Variants in LEF1 observed in about 807,000 individuals in gnomAD.
The protein encoded by LEF1 is lymphoid enhancer-binding factor 1.
In LEF1, 14 loss-of-function variants were observed where a neutral mutation model predicts 51.2. The observed-to-expected ratio is 0.27, with a 90% confidence interval of 0.18 to 0.43. The LOEUF is 0.43. Ranked by LOEUF, LEF1 falls within the 20% of genes least tolerant of loss-of-function variation. LEF1 has a pLI of 1.00. For missense variants in LEF1, 386 were observed against 512.0 expected (o/e 0.75, Z 2.37); for synonymous variants, 185 against 183.2 (o/e 1.01, Z -0.08).
chr4:108,152,930 T>C (rs915965088), intron 3 of LEF1, among the ~76,000 whole-genome samples: 2 of 152,248 alleles, frequency 1.3e-5, no homozygotes, highest in African/African-American at 4.8e-5. Flanking sequence ...CCAACAGCAG[T>C]GCTTTGCTGC....
chr4:108,115,846 T>TAC (rs55839332), intron 3 of LEF1, among the ~76,000 whole-genome samples: 25,027 of 139,130 alleles, frequency 0.18, 2,252 homozygotes, highest in Middle Eastern at 0.32. Context: ...ATGTAACACA[T>TAC]ACACACACAC....
chr4:108,163,147 T>A (rs1435519503), intron 3 of LEF1, among the ~76,000 whole-genome samples: 2 of 152,156 alleles, frequency 1.3e-5, no homozygotes, highest in African/African-American at 4.8e-5. Flanking sequence ...CAAAGTAACA[T>A]AACAAACATT....
At chr4:108,130,573 A>T (rs2110350237) in intron 3 of LEF1, among the ~76,000 whole-genome samples, 1 of 151,734 alleles carries the variant, frequency 6.6e-6, no homozygotes. Context: ...ACAAAAAAAA[A>T]AAAAAAAATG....
chr4:108,134,357 T>C (rs921780101), intron 3 of LEF1, among the ~76,000 whole-genome samples: 1 of 152,246 alleles, frequency 6.6e-6, no homozygotes, highest in Admixed American at 6.5e-5. Flanking sequence ...CCACACGTCA[T>C]ACTTCTAAAT....
intron 8 of LEF1, among the ~76,000 whole-genome samples, chr4:108,077,323 C>T (rs79225563): frequency 2.0e-5 from 3 of 151,996 alleles, no homozygotes; most frequent in Non-Finnish European, 4.4e-5. Flanking sequence ...CCCTTCTGCC[C>T]GGCCACCCAA....
chr4:108,116,818 G>A (rs916369338), intron 3 of LEF1, among the ~76,000 whole-genome samples: 18 of 152,150 alleles, frequency 1.2e-4, no homozygotes, highest in African/African-American at 4.3e-4. Flanking sequence ...AGGATAATAG[G>A]ATCTGCTTCA....
chr4:108,164,382 T>C (rs1245298667), intron 2 of LEF1, among the ~76,000 whole-genome samples: 2 of 152,160 alleles, frequency 1.3e-5, no homozygotes, highest in African/African-American at 4.8e-5. Flanking sequence ...CTGCTCCTGG[T>C]TGACATATTG....
At chr4:108,063,512 C>T in intron 11 of LEF1, 111 bp downstream of exon 11, 3 of 826,840 alleles carry the variant, frequency 3.6e-6, no homozygotes, top group Non-Finnish European at 6.0e-6. Context: ...CTGAGTTCTC[C>T]TCTTTAAGGA....
At chr4:108,072,384 T>C (rs1201765015) in intron 8 of LEF1, 1 of 152,372 alleles carries the variant, frequency 6.6e-6, no homozygotes, top group Non-Finnish European at 1.5e-5. Context: ...TGACAGCACC[T>C]TCCGGCCACA....
Position 108,163,550 on chromosome 4 carries a change from C to T in LEF1, c.414+18G>A, listed in dbSNP as rs959001258. The stretch of plus-strand genomic sequence containing the variant: ...TTGCACTTCTGAACATAATTTGCAA[C>T]ATCAGCATGTTACTTACTGTTCTCG... On this transcript the variant is annotated intron_variant, in intron 3 of 11. Transcript: ENST00000265165. The T allele has an allele frequency of 6.2e-7, 1 of 1,606,628 alleles. No individual in the cohort carries two copies. The highest frequency in any genetic ancestry group is 8.5e-7 in the Non-Finnish European group (1 of 1,177,190).
chr4:108,131,388 T>TAAA, intron 3 of LEF1, among the ~76,000 whole-genome samples: 1 of 139,246 alleles, frequency 7.2e-6, no homozygotes, highest in East Asian at 2.1e-4. Flanking sequence ...ACCCTATCTC[T>TAAA]AAAAAAAAAA....
intron 3 of LEF1, 29 bp from the exon 4 acceptor site, chr4:108,089,286 A>G (rs755631493): frequency 1.2e-6 from 2 of 1,601,888 alleles, no homozygotes; most frequent in Non-Finnish European, 1.7e-6. Context: ...GTCAATAGTT[A>G]ATATGGATGC....
chr4:108,135,059 T>C (rs1417336958), intron 3 of LEF1, among the ~76,000 whole-genome samples: 1 of 152,176 alleles, frequency 6.6e-6, no homozygotes, highest in Non-Finnish European at 1.5e-5. Context: ...GGGGTGCTAA[T>C]ATAGATTACA....
At chr4:108,153,880 AAAGC>A (rs1174935765) in intron 3 of LEF1, among the ~76,000 whole-genome samples, 1 of 152,210 alleles carries the variant, frequency 6.6e-6, no homozygotes, top group Non-Finnish European at 1.5e-5. Context: ...TGGTGGCAAA[AAAGC>A]AAGTTGCAAA....
Position 108,167,530 on chromosome 4 carries a change from G to T in LEF1, c.213+25C>A. 13 of 1,611,522 alleles carry T rather than the reference G, an allele frequency of 8.1e-6. No individual in the cohort carries two copies. The highest frequency in any genetic ancestry group is 1.1e-5 in the Non-Finnish European group (13 of 1,178,210). On this transcript the variant is annotated intron_variant, in intron 1 of 11. Transcript: ENST00000265165. This position sits in a 1 kb window ranked among gnomAD's most constrained non-coding sequence, Gnocchi z 5.7. ...TTCCCAGGGACCCGCCACGCCTCTC[G>T]GAACTGGGGCAGCGGCCCGCTCACC...
At chr4:108,107,265 T>G (rs1467467861) in intron 3 of LEF1, among the ~76,000 whole-genome samples, 1 of 149,632 alleles carries the variant, frequency 6.7e-6, no homozygotes, top group South Asian at 2.1e-4. Flanking sequence ...CAGAGAAAGG[T>G]GTTTTTTTTT....
intron 3 of LEF1, among the ~76,000 whole-genome samples, chr4:108,118,311 A>G (rs1380576511): frequency 1.3e-5 from 2 of 152,252 alleles, no homozygotes; most frequent in African/African-American, 2.4e-5. Flanking sequence ...TCACAAATCT[A>G]CATTTCTGCA....
chr4:108,166,299 T>G (rs964681947), intron 1 of LEF1: 3 of 1,535,460 alleles, frequency 2.0e-6, no homozygotes, highest in Non-Finnish European at 2.6e-6. Context: ...AGAAGGCAGA[T>G]CTGAGGTGTT....
intron 8 of LEF1, among the ~76,000 whole-genome samples, chr4:108,077,090 G>C (rs1015489906): frequency 6.6e-6 from 1 of 150,864 alleles, no homozygotes; most frequent in Non-Finnish European, 1.5e-5. Context: ...TATTCACCCA[G>C]CACTTTGGGA....
Sources: gnomAD v4.1 joint callset for allele counts (sites outside exome capture counted in the v4.1 genomes callset) on GRCh38, gnomAD v4.1.1 for gene constraint, Gnocchi (gnomAD v3.1) non-coding constraint, MANE v1.5 for transcripts, NCBI Gene and HGNC (gene_info 2026-07-23, HGNC 2026-07-21) for gene names.